The following FAM227B variants were observed in gnomAD, a reference collection of about 807,000 sequenced individuals.
The protein encoded by FAM227B is family with sequence similarity 227 member B.
A neutral mutation model predicts 73.8 loss-of-function variants in FAM227B; 88 were observed. The ratio of observed to expected loss-of-function variants is 1.19; its 90% CI spans 1.00 to 1.42. The LOEUF (loss-of-function observed/expected upper bound fraction) is 1.42. FAM227B is among the 40% of genes most tolerant of loss of function. The pLI is 0.00. For missense variants in FAM227B, 632 were observed against 590.9 expected (o/e 1.07, Z -0.72); for synonymous variants, 210 against 190.5 (o/e 1.10, Z -0.84).
At chr15:49,451,034 G>GT (rs895408714) in intron 11 of FAM227B, among the ~76,000 whole-genome samples, 17 of 151,260 alleles carry the variant, frequency 1.1e-4, no homozygotes, top group Admixed American at 2.6e-4. Context: ...CTAAAAACTG[G>GT]TTTTTTTTTA....
At chr15:49,568,682 A>T (rs1184032082) in intron 8 of FAM227B, among the ~76,000 whole-genome samples, 3 of 152,052 alleles carry the variant, frequency 2.0e-5, no homozygotes. Flanking sequence ...GGCAACAAAA[A>T]GCATGCAAAC....
intron 13 of FAM227B, among the ~76,000 whole-genome samples, chr15:49,356,092 A>G (rs1737993440): frequency 1.3e-5 from 2 of 152,192 alleles, no homozygotes; most frequent in African/African-American, 4.8e-5. Flanking sequence ...TGAAGGAAGC[A>G]CTAAACATGG....
rs193120843 is a variant in FAM227B, at chr15:49,387,504, C to G, written c.1013-16105G>C. ...TCAAAATAATAAAATCCATATATGA[C>G]AAACCCATAGCCAACATCTTACTGA... On this transcript the variant is annotated intron_variant, in intron 11 of 15. Coordinates refer to ENST00000299338, the MANE Select transcript of FAM227B (RefSeq NM_152647.3). 7.2e-5 allele frequency among the ~76,000 whole-genome samples: 11 copies of G among 151,890 alleles called. No homozygotes were observed. In the East Asian group the frequency reaches 2.1e-3, roughly 29 times the overall value.
chr15:49,366,475 T>C lies in FAM227B; in HGVS notation c.1271+973A>G, dbSNP rs936763499. 4.1e-5 allele frequency: 44 copies of C among 1,083,208 alleles called. No homozygotes were observed. In the Admixed American group the frequency reaches 7.4e-4, roughly 18 times the overall value. 67.1% of individuals were successfully genotyped at this position (1,083,208 alleles called of 1,614,324 possible). On this transcript the variant is annotated intron_variant, in intron 13 of 15. Transcript: ENST00000299338. The stretch of plus-strand genomic sequence containing the variant: ...GAACATCAGAAAGGTTGCATAGTGG[T>C]GCGGAAGTCAGATTCATCAAACTAA...
At chr15:49,597,802 AAC>A (rs1171536154) in intron 3 of FAM227B, among the ~76,000 whole-genome samples, 2 of 151,982 alleles carry the variant, frequency 1.3e-5, no homozygotes, top group Admixed American at 6.6e-5. Flanking sequence ...TACAACTGAT[AAC>A]ACAGAGATAC....
intron 11 of FAM227B, among the ~76,000 whole-genome samples, chr15:49,443,466 T>C (rs1268098568): frequency 1.3e-5 from 2 of 151,626 alleles, no homozygotes; most frequent in African/African-American, 4.8e-5. Context: ...CAGGGCTTGA[T>C]TCACTATTTT....
intron 13 of FAM227B, chr15:49,366,056 T>TC: frequency 7.3e-6 from 6 of 818,298 alleles, no homozygotes; most frequent in East Asian, 7.2e-5. Context: ...TCCTTTTTTT[T>TC]CCCTCATTTA....
At chr15:49,579,204 A>G (rs941463395) in intron 5 of FAM227B, among the ~76,000 whole-genome samples, 2 of 152,188 alleles carry the variant, frequency 1.3e-5, no homozygotes, top group African/African-American at 4.8e-5. Flanking sequence ...TATTGGTGGG[A>G]ATGTAAATTA....
chr15:49,508,959 G>C (rs952343741), intron 10 of FAM227B, among the ~76,000 whole-genome samples: 13 of 152,182 alleles, frequency 8.5e-5, no homozygotes, highest in Non-Finnish European at 1.6e-4. Context: ...ATGCCACAGG[G>C]GGCCACATGG....
chr15:49,380,706 T>C (rs2046468107), intron 11 of FAM227B, among the ~76,000 whole-genome samples: 1 of 152,102 alleles, frequency 6.6e-6, no homozygotes, highest in African/African-American at 2.4e-5. Flanking sequence ...TACTTTTTTT[T>C]CTACTTTATT....
At chr15:49,526,344 G>T (rs1254795001) in intron 10 of FAM227B, among the ~76,000 whole-genome samples, 1 of 152,000 alleles carries the variant, frequency 6.6e-6, no homozygotes, top group African/African-American at 2.4e-5. Flanking sequence ...AAAAAATTTT[G>T]AAATCAATGA....
chr15:49,485,554 C>T (rs2056338221), intron 11 of FAM227B: 1 of 152,368 alleles, frequency 6.6e-6, no homozygotes, highest in African/African-American at 2.4e-5. Context: ...GGCTCAACGG[C>T]AAGTTTCCCT....
intron 13 of FAM227B, among the ~76,000 whole-genome samples, chr15:49,346,918 T>C (rs1381315806): frequency 2.0e-5 from 3 of 152,228 alleles, no homozygotes; most frequent in African/African-American, 7.2e-5. Context: ...CCTTTGCCTA[T>C]AAGTAAAATA....
intron 11 of FAM227B, among the ~76,000 whole-genome samples, chr15:49,495,078 A>C (rs2057477552): frequency 1.3e-5 from 2 of 152,210 alleles, no homozygotes; most frequent in African/African-American, 4.8e-5. Flanking sequence ...AATGTCATTT[A>C]GTATAATATG....
rs538881692 is a variant in FAM227B at position 49,618,271 on chromosome 15, A to G, written c.-73+2429T>C. On this transcript the variant is annotated intron_variant, in intron 1 of 15. Transcript: ENST00000299338. ...AAGGGATTAAACAAAGAAAAAGGAA[A>G]CAAGGGATCTAACACACAGGAGAGC... 2.0e-5 allele frequency among the ~76,000 whole-genome samples: 3 copies of G among 152,296 alleles called. No individual in the cohort carries two copies. The East Asian group carries it at 5.8e-4, about 29-fold the overall frequency.
At chr15:49,555,233 C>T (rs892651157) in intron 9 of FAM227B, among the ~76,000 whole-genome samples, 4 of 152,188 alleles carry the variant, frequency 2.6e-5, no homozygotes, top group Non-Finnish European at 5.9e-5. Context: ...TTCGGGACCT[C>T]TTATAAAGCA....
chr15:49,327,263 C>T lies in FAM227B; in HGVS notation c.*1305G>A, dbSNP rs533856172. On this transcript the variant is annotated 3_prime_UTR_variant, in exon 16 of 16. Coordinates refer to ENST00000299338, the MANE Select transcript of FAM227B (RefSeq NM_152647.3). ...CTTCTGAGTCCAATAATCAGACTAG[C>T]TCCAGAAGGCACAGGGAAGGTGGTG... 8 of 152,332 alleles carry T rather than the reference C, an allele frequency of 5.3e-5. No individual in the cohort carries two copies. Among genetic ancestry groups the T allele is most frequent in the African/African-American group, 1.9e-4 (8 of 41,572 alleles). The allele number at this position is 152,332 out of a possible 1,614,324, so 9.4% of individuals were successfully genotyped here.
At chr15:49,618,696 C>T (rs2078456079) in intron 1 of FAM227B, among the ~76,000 whole-genome samples, 1 of 152,178 alleles carries the variant, frequency 6.6e-6, no homozygotes, top group Non-Finnish European at 1.5e-5. Flanking sequence ...AGACCTTTAT[C>T]ACTGCCTTCC....
chr15:49,350,475 C>T (rs1023949042), intron 13 of FAM227B, among the ~76,000 whole-genome samples: 13 of 152,120 alleles, frequency 8.5e-5, no homozygotes, highest in Non-Finnish European at 1.6e-4. Context: ...TACTAATTCT[C>T]GATCTGTTAA....
Sources: allele counts gnomAD v4.1 joint callset (sites outside exome capture counted in the v4.1 genomes callset), GRCh38; gene constraint gnomAD v4.1.1; transcripts MANE v1.5; gene names NCBI Gene and HGNC (gene_info 2026-07-23, HGNC 2026-07-21).